The following UST variants were observed in gnomAD, a reference collection of about 807,000 sequenced individuals.
The protein encoded by UST is uronyl 2-sulfotransferase, also known as chondroitin sulfate 2-O-sulfotransferase.
Under a neutral mutation model 45.6 loss-of-function variants are expected in UST, and 21 were observed. That is an observed-to-expected ratio of 0.46 (90% CI 0.33 to 0.66). The LOEUF (loss-of-function observed/expected upper bound fraction) is 0.66, where lower values mean the gene tolerates loss of function less well. Ranked by LOEUF, UST falls within the 30% of genes least tolerant of loss-of-function variation. The pLI is 0.02. For synonymous variants in UST, 215 were observed against 200.6 expected, an observed-to-expected ratio of 1.07 and a Z score of -0.61; for missense variants, 463 against 512.4, an observed-to-expected ratio of 0.90 and a Z score of 0.93.
chr6:148,893,116 G>A, intron 2 of UST, among the ~76,000 whole-genome samples: 1 of 145,482 alleles, frequency 6.9e-6, no homozygotes, highest in Non-Finnish European at 1.5e-5. Flanking sequence ...GTATATTGAG[G>A]GTTAAGATAT....
At chr6:149,008,894 A>G (rs556267891) in intron 5 of UST, among the ~76,000 whole-genome samples, 152 of 152,362 alleles carry the variant, frequency 1.0e-3, no homozygotes, top group Non-Finnish European at 1.7e-3. Flanking sequence ...CCCACTGGTT[A>G]TAAACGCTAC....
In UST at chr6:148,766,164, G is replaced by A. The variant is rs183171142; in HGVS notation, c.247+18487G>A. On this transcript the variant is annotated intron_variant, in intron 1 of 7. Coordinates refer to ENST00000367463, the MANE Select transcript of UST (RefSeq NM_005715.3). ...CTTCATTTGTTTTATGGCATAATGCGTTTCTGTGCCAAAATATAGCCTCTC... is the reference window on the plus strand; with the variant it reads ...CTTCATTTGTTTTATGGCATAATGCATTTCTGTGCCAAAATATAGCCTCTC... 2.2e-4 allele frequency among the ~76,000 whole-genome samples: 33 copies of A among 152,174 alleles called. No individual in the cohort carries two copies. The East Asian group carries it at 2.3e-3, about 11-fold the overall frequency.
chr6:149,038,528 A>G (rs765173551), intron 7 of UST, among the ~76,000 whole-genome samples: 4 of 152,010 alleles, frequency 2.6e-5, no homozygotes, highest in Non-Finnish European at 5.9e-5. Flanking sequence ...CTCGAGGGAA[A>G]CACAACTCTT....
intron 1 of UST, among the ~76,000 whole-genome samples, chr6:148,860,622 G>A (rs977269425): frequency 8.5e-5 from 13 of 152,292 alleles, no homozygotes; most frequent in Non-Finnish European, 1.8e-4. Flanking sequence ...GTATGATACT[G>A]GCTGTGGGTT....
chr6:148,850,127 G>A (rs1223568280), intron 1 of UST, among the ~76,000 whole-genome samples: 16 of 152,086 alleles, frequency 1.1e-4, no homozygotes, highest in Admixed American at 1.0e-3. Context: ...TATGAGTGTA[G>A]TGTTTTCACT....
intron 2 of UST, among the ~76,000 whole-genome samples, chr6:148,913,188 GA>G (rs1779510668): frequency 6.6e-6 from 1 of 152,128 alleles, no homozygotes; most frequent in Admixed American, 6.5e-5. Context: ...TGCCCAACTG[GA>G]AACTAATAGC....
intron 7 of UST, among the ~76,000 whole-genome samples, chr6:149,058,396 C>A (rs559913949): frequency 6.7e-6 from 1 of 149,740 alleles, no homozygotes; most frequent in East Asian, 1.9e-4. Context: ...TGTATGTGCG[C>A]GCGCGTGTGT....
At position 148,780,128 on chromosome 6, in the gene UST, T is replaced by TACAC. The variant is rs34775441; in HGVS notation, c.247+32466_247+32469dup. ...ACAAATACATGTGTGTGTATATATA[T>TACAC]ACACACACACACACACACTTATGCA... On this transcript the variant is annotated intron_variant, in intron 1 of 7. Coordinates refer to ENST00000367463, the MANE Select transcript of UST (RefSeq NM_005715.3). Among the ~76,000 whole-genome samples, 1,081 of 149,698 alleles carry TACAC rather than the reference T, an allele frequency of 7.2e-3. 8 individuals carry two copies. The highest frequency in any genetic ancestry group is 0.015 in the African/African-American group (593 of 40,742).
Position 149,011,003 on chromosome 6 carries a change from A to C in UST, c.682-8136A>C, listed in dbSNP as rs541957131. 2.0e-5 allele frequency among the ~76,000 whole-genome samples: 3 copies of C among 152,096 alleles called. No individual in the cohort carries two copies. In the East Asian group the frequency reaches 5.8e-4, roughly 29 times the overall value. On this transcript the variant is annotated intron_variant, in intron 5 of 7. Coordinates refer to ENST00000367463, the MANE Select transcript of UST (RefSeq NM_005715.3). Reference sequence around the variant, plus strand: ...GGAATCCAAATGAATGACTTCAAAAAATGTTTGGTCTCTTGTGTCCGTAAG... The same window carrying C: ...GGAATCCAAATGAATGACTTCAAAACATGTTTGGTCTCTTGTGTCCGTAAG...
rs146274216 is a variant in UST, at chr6:148,927,540, C to A, written c.292-13739C>A. Among the ~76,000 whole-genome samples, 3 of 152,042 alleles carry A rather than the reference C, an allele frequency of 2.0e-5. No homozygotes were observed. The East Asian group carries it at 5.8e-4, about 29-fold the overall frequency. On this transcript the variant is annotated intron_variant, in intron 2 of 7. Transcript: ENST00000367463. The stretch of plus-strand genomic sequence containing the variant: ...AGACTTTGAACAAGTTATTTAATCC[C>A]CCTAATTCCCAGCCTTTTCTTCTTT...
In UST at chr6:148,783,906, G is replaced by C. The variant is rs536749220; in HGVS notation, c.247+36229G>C. Among the ~76,000 whole-genome samples, 3 of 152,286 alleles carry C rather than the reference G, an allele frequency of 2.0e-5. No homozygotes were observed. In the East Asian group the frequency reaches 5.8e-4, roughly 29 times the overall value. ...TCCAACCCCGCATTTTACAGGTGAAGATGATGAGCTACAAGATTCAATGAT... is the reference window on the plus strand; with the variant it reads ...TCCAACCCCGCATTTTACAGGTGAACATGATGAGCTACAAGATTCAATGAT... On this transcript the variant is annotated intron_variant, in intron 1 of 7. Coordinates refer to ENST00000367463, the MANE Select transcript of UST (RefSeq NM_005715.3).
At chr6:148,923,655 C>T (rs138352728) in intron 2 of UST, among the ~76,000 whole-genome samples, 1 of 152,194 alleles carries the variant, frequency 6.6e-6, no homozygotes, top group African/African-American at 2.4e-5. Flanking sequence ...GCCTGTAATC[C>T]CAGCACTTTG....
At chr6:149,070,119 T>A (rs1434914831) in intron 7 of UST, among the ~76,000 whole-genome samples, 2 of 152,164 alleles carry the variant, frequency 1.3e-5, no homozygotes, top group East Asian at 3.9e-4. Flanking sequence ...AGTCTTACTT[T>A]TTTGTGTATC....
chr6:149,069,830 T>C (rs1166402081), intron 7 of UST, among the ~76,000 whole-genome samples: 1 of 152,264 alleles, frequency 6.6e-6, no homozygotes, highest in Non-Finnish European at 1.5e-5. Context: ...ATCCATTATA[T>C]AGACCAACAT....
At chr6:149,051,113 T>C (rs541047678) in intron 7 of UST, among the ~76,000 whole-genome samples, 4 of 152,302 alleles carry the variant, frequency 2.6e-5, no homozygotes, top group African/African-American at 9.6e-5. Flanking sequence ...TGAGGAATAA[T>C]GCTAAGAGTG....
chr6:148,766,270 T>A (rs7774833), intron 1 of UST, among the ~76,000 whole-genome samples: 1 of 151,890 alleles, frequency 6.6e-6, no homozygotes, highest in Non-Finnish European at 1.5e-5. Context: ...CTCACAAGGC[T>A]TATTCTTCAT....
intron 1 of UST, among the ~76,000 whole-genome samples, chr6:148,785,801 C>T (rs1227537959): frequency 6.6e-6 from 1 of 152,202 alleles, no homozygotes; most frequent in African/African-American, 2.4e-5. Context: ...TACACTCTAA[C>T]TGATACCCCA....
At chr6:149,029,075 T>C (rs1300215546) in intron 7 of UST, among the ~76,000 whole-genome samples, 1 of 152,100 alleles carries the variant, frequency 6.6e-6, no homozygotes, top group Admixed American at 6.6e-5. Flanking sequence ...TAGACTTTGC[T>C]CTGCAGACGG....
chr6:148,965,064 T>C (rs1384310), intron 5 of UST, among the ~76,000 whole-genome samples: 1 of 151,912 alleles, frequency 6.6e-6, no homozygotes, highest in African/African-American at 2.4e-5. Flanking sequence ...ACCGACTGTT[T>C]CGGGTTTCCT....
Sources: allele counts gnomAD v4.1 joint callset (sites outside exome capture counted in the v4.1 genomes callset), GRCh38; gene constraint gnomAD v4.1.1; transcripts MANE v1.5; gene names NCBI Gene and HGNC (gene_info 2026-07-23, HGNC 2026-07-21).